ZNF521: variants seen among roughly 807,000 people sequenced by gnomAD.
ZNF521 encodes LYST-interacting protein 3.
Under a neutral mutation model 105.5 loss-of-function variants are expected in ZNF521, and 14 were observed. That is an observed-to-expected ratio of 0.13 (90% CI 0.09 to 0.21). ZNF521 has a LOEUF of 0.21. ZNF521 is among the 10% of genes least tolerant of loss of function. The pLI is 1.00. For synonymous variants in ZNF521, 635 were observed against 606.0 expected, an observed-to-expected ratio of 1.05 and a Z score of -0.70; for missense variants, 1,233 against 1,629.7, an observed-to-expected ratio of 0.76 and a Z score of 4.19.
In ZNF521 at chr18:25,237,528, T is replaced by G. The variant is rs1906995947; in HGVS notation, c.221-9831A>C. On this transcript the variant is annotated intron_variant, in intron 3 of 7. Coordinates refer to ENST00000361524, the MANE Select transcript of ZNF521 (RefSeq NM_015461.3). ...ACAAAATCAGGCCTCAAAAACCCCA[T>G]GATACCTCCACATACTAGCATCTTA... Among the ~76,000 whole-genome samples, 5 of 152,134 alleles carry G rather than the reference T, an allele frequency of 3.3e-5. 1 individual carries two copies. The South Asian group carries it at 1.0e-3, about 32-fold the overall frequency.
intron 3 of ZNF521, among the ~76,000 whole-genome samples, chr18:25,301,696 T>C (rs1350897788): frequency 6.6e-6 from 1 of 152,204 alleles, no homozygotes; most frequent in African/African-American, 2.4e-5. Flanking sequence ...CTTTTTCTCT[T>C]AGCTTGTTCC....
In ZNF521 at chr18:25,225,727, A is replaced by G; in HGVS notation, c.2191T>C (p.Phe731Leu). 1.2e-6 allele frequency: 2 copies of G among 1,614,214 alleles called. No homozygotes were observed. Among genetic ancestry groups the G allele is most frequent in the Non-Finnish European group, 1.7e-6 (2 of 1,180,030 alleles). Residue 731 changes from phenylalanine to leucine, a missense_variant, in exon 4 of 8, where the codon TTT becomes CTT. Transcript: ENST00000361524. This position sits in a 1 kb window ranked among gnomAD's most constrained non-coding sequence, Gnocchi z 5.6. ...FFRCTLCQEV[F>L]DSKVSIQLHL... ...AGCTGAATGGAGACTTTTGAGTCAA[A>G]AACTTCCTGGCAGAGGGTGCAGCGA...
chr18:25,312,221 T>A (rs1395983059), intron 3 of ZNF521, among the ~76,000 whole-genome samples: 1 of 152,192 alleles, frequency 6.6e-6, no homozygotes, highest in Non-Finnish European at 1.5e-5. Context: ...TCACTTATAC[T>A]GGGAAAACAT....
At chr18:25,230,696 T>C (rs1675129164) in intron 3 of ZNF521, among the ~76,000 whole-genome samples, 1 of 152,214 alleles carries the variant, frequency 6.6e-6, no homozygotes, top group Non-Finnish European at 1.5e-5. Flanking sequence ...TTCTGGGTGA[T>C]GGCAAGTTTT....
chr18:25,274,782 G>A (rs1909924056), intron 3 of ZNF521, among the ~76,000 whole-genome samples: 1 of 152,198 alleles, frequency 6.6e-6, no homozygotes, highest in Non-Finnish European at 1.5e-5. Context: ...GTTGTGTCTA[G>A]TGGATGGGAG....
intron 3 of ZNF521, among the ~76,000 whole-genome samples, chr18:25,280,387 G>A (rs779107369): frequency 4.0e-5 from 6 of 151,512 alleles, no homozygotes; most frequent in Non-Finnish European, 7.4e-5. Context: ...CTCTCTTTTG[G>A]TTTTCATCAG....
chr18:25,262,630 AC>A (rs1366332745), intron 3 of ZNF521, among the ~76,000 whole-genome samples: 1 of 152,234 alleles, frequency 6.6e-6, no homozygotes, highest in African/African-American at 2.4e-5. Context: ...CAATAAACAA[AC>A]TATCAAAATA....
chr18:25,133,790 T>C (rs1166989693), intron 5 of ZNF521, among the ~76,000 whole-genome samples: 1 of 152,128 alleles, frequency 6.6e-6, no homozygotes, highest in African/African-American at 2.4e-5. Context: ...ATTCTATTAC[T>C]TAGGGTCTCT....
chr18:25,263,304 A>G (rs1337102163), intron 3 of ZNF521, among the ~76,000 whole-genome samples: 1 of 152,124 alleles, frequency 6.6e-6, no homozygotes, highest in Non-Finnish European at 1.5e-5. Flanking sequence ...ATCAAGATAC[A>G]GTATCACAGT....
chr18:25,064,767 T>G lies in ZNF521; in HGVS notation c.3907-2026A>C, dbSNP rs2033009462. Reference sequence around the variant, plus strand: ...AGTTGGCGGGGGGCTGGGAGCCTTGTGAAGAGGACTTAGGTCTTCCTTGTT... The same window carrying G: ...AGTTGGCGGGGGGCTGGGAGCCTTGGGAAGAGGACTTAGGTCTTCCTTGTT... On this transcript the variant is annotated intron_variant, in intron 7 of 7. Transcript: ENST00000361524. Among the ~76,000 whole-genome samples, 3 of 152,216 alleles carry G rather than the reference T, an allele frequency of 2.0e-5. No individual in the cohort carries two copies. In the South Asian group the frequency reaches 6.2e-4, roughly 32 times the overall value.
intron 5 of ZNF521, among the ~76,000 whole-genome samples, chr18:25,148,370 C>G (rs2144473438): frequency 6.6e-6 from 1 of 152,226 alleles, no homozygotes; most frequent in South Asian, 2.1e-4. Context: ...GGATAAAGTT[C>G]AAAGTTTTTG....
intron 2 of ZNF521, among the ~76,000 whole-genome samples, chr18:25,330,473 C>T (rs1913506834): frequency 6.6e-6 from 1 of 152,164 alleles, no homozygotes; most frequent in African/African-American, 2.4e-5. Context: ...CACCAGCTAA[C>T]TTTTTAACCT....
intron 7 of ZNF521, among the ~76,000 whole-genome samples, chr18:25,081,483 C>G (rs1468383479): frequency 2.0e-5 from 3 of 152,142 alleles, no homozygotes; most frequent in Non-Finnish European, 4.4e-5. Flanking sequence ...CTCTGTTGCC[C>G]TTACTTCAGT....
At chr18:25,247,253 T>C (rs1412188348) in intron 3 of ZNF521, among the ~76,000 whole-genome samples, 2 of 152,196 alleles carry the variant, frequency 1.3e-5, no homozygotes, top group Non-Finnish European at 2.9e-5. Flanking sequence ...TAGACCCCTC[T>C]ACAGAAATGT....
At chr18:25,316,721 A>G (rs928040299) in intron 3 of ZNF521, among the ~76,000 whole-genome samples, 11 of 151,920 alleles carry the variant, frequency 7.2e-5, no homozygotes, top group Non-Finnish European at 1.0e-4. Flanking sequence ...CTTGGCCTCC[A>G]CTTACACTTT....
Position 25,313,620 on chromosome 18 carries a change from A to AT in ZNF521, c.220+8387dup, listed in dbSNP as rs1210561728. ...ATTCTCTCTGGAGGTTTTGTGAAGT[A>AT]TTTTTTTCAGTTTTAACAGCCATTA... On this transcript the variant is annotated intron_variant, in intron 3 of 7. Transcript: ENST00000361524. 9.2e-5 allele frequency among the ~76,000 whole-genome samples: 14 copies of AT among 152,248 alleles called. No homozygotes were observed. The East Asian group carries it at 2.3e-3, about 25-fold the overall frequency.
In ZNF521 at chr18:25,062,487, G is replaced by A. The variant is rs2032921346; in HGVS notation, c.*225C>T. The A allele has an allele frequency of 2.0e-6, 1 of 504,728 alleles. No individual in the cohort carries two copies. The highest frequency in any genetic ancestry group is 3.3e-6 in the Non-Finnish European group (1 of 300,360). 31.3% of individuals were successfully genotyped at this position (504,728 alleles called of 1,614,324 possible). On this transcript the variant is annotated 3_prime_UTR_variant, in exon 8 of 8. Transcript: ENST00000361524. Reference sequence around the variant, plus strand: ...CACTTGTCTTTATAAGACCATTTTAGTATCAGACGACATAATACATGTGCA... The same window carrying A: ...CACTTGTCTTTATAAGACCATTTTAATATCAGACGACATAATACATGTGCA...
intron 3 of ZNF521, among the ~76,000 whole-genome samples, chr18:25,264,370 T>C (rs1909108518): frequency 6.6e-6 from 1 of 152,198 alleles, no homozygotes; most frequent in African/African-American, 2.4e-5. Context: ...CTCAACTGAG[T>C]TGATTAAATT....
chr18:25,106,594 C>CT (rs2034078306), intron 5 of ZNF521, among the ~76,000 whole-genome samples: 2 of 152,138 alleles, frequency 1.3e-5, no homozygotes, highest in Admixed American at 1.3e-4. Flanking sequence ...AATGCTTCTA[C>CT]TGTGTGTTCT....
Sources: allele counts gnomAD v4.1 joint callset (sites outside exome capture counted in the v4.1 genomes callset), GRCh38; gene constraint gnomAD v4.1.1; non-coding constraint Gnocchi (gnomAD v3.1); transcripts MANE v1.5; gene names NCBI Gene and HGNC (gene_info 2026-07-23, HGNC 2026-07-21).